The following FHIP1B variants were observed in gnomAD, a reference collection of about 807,000 sequenced individuals.
The protein encoded by FHIP1B is FHF complex subunit HOOK interacting protein 1B, also known as FHF complex subunit HOOK-interacting protein 1B.
A neutral mutation model predicts 82.2 loss-of-function variants in FHIP1B; 28 were observed. The ratio of observed to expected loss-of-function variants is 0.34; its 90% CI spans 0.25 to 0.47. FHIP1B has a LOEUF of 0.47. Among genes scored for constraint, FHIP1B ranks in the 20% least tolerant of loss-of-function variants. The pLI, the probability that FHIP1B is intolerant of heterozygous loss-of-function variation, is 1.00. For missense variants in FHIP1B, 1,110 were observed against 1,262.6 expected (o/e 0.88, Z 1.83); for synonymous variants, 585 against 516.1 (o/e 1.13, Z -1.81).
intron 10 of FHIP1B, 41 bp downstream of exon 10, chr11:6,214,692 C>T: frequency 6.5e-7 from 1 of 1,546,408 alleles, no homozygotes; most frequent in Non-Finnish European, 8.7e-7. Flanking sequence ...CCTGGCCCAC[C>T]ACGGAGCCTG....
rs1454121711 is a variant in FHIP1B, at chr11:6,211,736, AG to A, written c.2688del (p.Ser897ProfsTer93). 6.2e-7 allele frequency: 1 copy of A among 1,614,188 alleles called. No homozygotes were observed. Among genetic ancestry groups the A allele is most frequent in the Non-Finnish European group, 8.5e-7 (1 of 1,180,014 alleles). Reference protein sequence around the residue: ...RDGAGLGLSGGSPGASTPVLL... With the variant: ...RDGAGLGLSGXSPGASTPVLL... ...AGAACTGGAGTTGAAGCCCCAGGGG[AG>A]CCCCCACTTAGGCCAAGTCCTGCTC... is the stretch of plus-strand genomic sequence containing the variant. On this transcript the variant is annotated frameshift_variant, in exon 12 of 12. Transcript: ENST00000449352. LOFTEE classifies it high-confidence loss of function.
Position 6,223,932 on chromosome 11 carries a change from C to T in FHIP1B, c.455G>A (p.Arg152His). 6.2e-7 allele frequency: 1 copy of T among 1,614,224 alleles called. No individual in the cohort carries two copies. Among genetic ancestry groups the T allele is most frequent in the Non-Finnish European group, 8.5e-7 (1 of 1,180,038 alleles). The change falls in exon 3 of 12, where the codon CGT becomes CAT. Residue 152 changes from arginine to histidine, a missense_variant. Coordinates refer to ENST00000449352, the MANE Select transcript of FHIP1B (RefSeq NM_001098794.2). This position sits in a 1 kb window ranked among gnomAD's most constrained non-coding sequence, Gnocchi z 4.8. ...ATCCAGCAGGGTGAGCAGAGCCTCA[C>T]GAACTGGACCATGCCGCAACAGTGG... ...RQPLLRHGPVREALLTLLDAC... is the reference protein window; with the variant it reads ...RQPLLRHGPVHEALLTLLDAC...
At chr11:6,224,741 T>C (rs965697493) in intron 1 of FHIP1B, 34 bp from the exon 2 acceptor site, 17 of 541,420 alleles carry the variant, frequency 3.1e-5, no homozygotes, top group African/African-American at 2.3e-4. Flanking sequence ...AAGGGATAAA[T>C]AGAAGCTCAC....
rs557824063 is a variant in FHIP1B at position 6,223,330 on chromosome 11, G to A, written c.778-92C>T. 1.7e-5 allele frequency: 22 copies of A among 1,324,332 alleles called. No homozygotes were observed. Among genetic ancestry groups the A allele is most frequent in the Middle Eastern group, 5.2e-4 (2 of 3,818 alleles). The allele number at this position is 1,324,332 out of a possible 1,614,324, so 82.0% of individuals were successfully genotyped here. On this transcript the variant is annotated intron_variant, in intron 3 of 11. Transcript: ENST00000449352. The surrounding 1 kb of genome is among the most constrained non-coding windows in gnomAD (Gnocchi z 4.8). ...AGCTAGTAATCCAGAGTTTTGATGGGAATAGGGGTATAAGCTATTACCAAA... is the reference window on the plus strand; with the variant it reads ...AGCTAGTAATCCAGAGTTTTGATGGAAATAGGGGTATAAGCTATTACCAAA...
chr11:6,213,662 C>T (rs764703436), intron 11 of FHIP1B, among the ~76,000 whole-genome samples: 3 of 152,176 alleles, frequency 2.0e-5, no homozygotes, highest in South Asian at 2.1e-4. Context: ...AACTTCATAA[C>T]GATATTTAAT....
rs373805148 is a variant in FHIP1B, at chr11:6,217,768, C to T, written c.1818G>A (p.Val606=). The change falls in exon 9 of 12, where the codon GTG becomes GTA. Residue 606 remains valine, a synonymous_variant. Transcript: ENST00000449352. ...CCAGCTCTTCCTCCTCCCCTTCCCC[C>T]ACGTTGTTCCTGTCCTCCTCAGGCA... ...SLLPEEDRNN[V]GEGEEEELGR... 3.1e-6 allele frequency: 5 copies of T among 1,608,584 alleles called. No individual in the cohort carries two copies. Among genetic ancestry groups the T allele is most frequent in the South Asian group, 2.2e-5 (2 of 90,494 alleles).
rs1420273069 is a variant in FHIP1B, at chr11:6,217,586, C to T, written c.2000G>A (p.Gly667Asp). Reference sequence around the variant, plus strand: ...CCCAAAGCCCTCTAGTCCTGCCATGCCCTCGGAGATGCCCTCTAGCAGTTC... The same window carrying T: ...CCCAAAGCCCTCTAGTCCTGCCATGTCCTCGGAGATGCCCTCTAGCAGTTC... ...AGELLEGISE[G>D]MAGLEGFGQE... The change falls in exon 9 of 12, where the codon GGC (glycine) becomes GAC (aspartate). Residue 667 changes from glycine to aspartate, a missense_variant. Physicochemically the swap from Gly to Asp is moderately conservative, Grantham distance 94 (BLOSUM62 -1). Around this residue, in one of 6 missense-constraint regions of FHIP1B, gnomAD observed 418 missense variants for 371.4 expected, o/e 1.13. Coordinates refer to ENST00000449352, the MANE Select transcript of FHIP1B (RefSeq NM_001098794.2). 6.2e-7 allele frequency: 1 copy of T among 1,612,522 alleles called. No individual in the cohort carries two copies.
At chr11:6,231,435 A>G (rs1452724377) in intron 1 of FHIP1B, among the ~76,000 whole-genome samples, 3 of 151,882 alleles carry the variant, frequency 2.0e-5, no homozygotes, top group Admixed American at 6.6e-5. Context: ...GACACTAGAT[A>G]CAAAGGAGTA....
Position 6,224,131 on chromosome 11 carries a change from C to T in FHIP1B, c.256G>A (p.Val86Ile), listed in dbSNP as rs757957880. ...MLTLLAEDRA[V>I]PSAPTGPGPL... The stretch of plus-strand genomic sequence containing the variant: ...CCAGGGCCTGTGGGGGCCGAGGGAA[C>T]TGCACGGTCCTCTGCCAGCAGTGTC... The change falls in exon 3 of 12, where the codon GTT becomes ATT. Residue 86 changes from valine (V) to isoleucine (I), a missense_variant. Around this residue, in one of 6 missense-constraint regions of FHIP1B, gnomAD observed 467 missense variants for 602.9 expected, o/e 0.77. Coordinates refer to ENST00000449352, the MANE Select transcript of FHIP1B (RefSeq NM_001098794.2). 42 of 1,613,924 alleles carry T rather than the reference C, an allele frequency of 2.6e-5. No individual in the cohort carries two copies. Among genetic ancestry groups the T allele is most frequent in the Non-Finnish European group, 3.1e-5 (37 of 1,180,024 alleles).
rs556025144 is a variant in FHIP1B, at chr11:6,230,971, T to G, written c.-192+3573A>C. 1.1e-4 allele frequency among the ~76,000 whole-genome samples: 16 copies of G among 152,146 alleles called. 1 individual carries two copies. The highest frequency in any genetic ancestry group is 3.6e-4 in the African/African-American group (15 of 41,420). On this transcript the variant is annotated intron_variant, in intron 1 of 11. Coordinates refer to ENST00000449352, the MANE Select transcript of FHIP1B (RefSeq NM_001098794.2). ...GCTAAATGATGCCATATTAAGAAAT[T>G]TGGATGTTGTCCTACAGGACACAAA...
chr11:6,217,412 G>T lies in FHIP1B; in HGVS notation c.2174C>A (p.Pro725His). Residue 725 changes from proline to histidine, a missense_variant, in exon 9 of 12, where the codon CCT (proline) becomes CAT (histidine). This residue lies in a region of FHIP1B where 418 missense variants were observed against 371.4 expected (regional missense o/e 1.13). Coordinates refer to ENST00000449352, the MANE Select transcript of FHIP1B (RefSeq NM_001098794.2). ...TGGCAGCTGGTTGAGAGTCCGCAAA[G>T]GGCTGCTGAGGAAGGGGCCAGGGGG... Reference protein sequence around the residue: ...PEPPGPFLSSPLRTLNQLPSQ... With the variant: ...PEPPGPFLSSHLRTLNQLPSQ... 6.2e-7 allele frequency: 1 copy of T among 1,614,136 alleles called. No individual in the cohort carries two copies. The highest frequency in any genetic ancestry group is 8.5e-7 in the Non-Finnish European group (1 of 1,180,018).
At chr11:6,218,561 T>C (rs1441898531) in intron 8 of FHIP1B, 39 bp downstream of exon 8, 1 of 1,613,264 alleles carries the variant, frequency 6.2e-7, no homozygotes, top group Non-Finnish European at 8.5e-7. Context: ...GCCATACCCG[T>C]GATGTCCTCC....
At chr11:6,220,018 G>A (rs1847362069) in intron 6 of FHIP1B, among the ~76,000 whole-genome samples, 1 of 152,194 alleles carries the variant, frequency 6.6e-6, no homozygotes. Context: ...CTGAAAAGTA[G>A]TAAGTGGGTA....
rs139158841 is a variant in FHIP1B at position 6,227,896 on chromosome 11, T to C, written c.-191-3189A>G. On this transcript the variant is annotated intron_variant, in intron 1 of 11. Transcript: ENST00000449352. ...AAAGGAAGTTTCAAGAAACTGGAGG[T>C]TGCCCATAGTGTATAGTTCTATAGA... is the stretch of plus-strand genomic sequence containing the variant. Among the ~76,000 whole-genome samples, 514 of 151,832 alleles carry C rather than the reference T, an allele frequency of 3.4e-3. 1 individual carries two copies. The highest frequency in any genetic ancestry group is 0.012 in the African/African-American group (492 of 41,394).
At position 6,223,513 on chromosome 11, in the gene FHIP1B, G is replaced by C; in HGVS notation, c.777+97C>G. On this transcript the variant is annotated intron_variant, in intron 3 of 11. Coordinates refer to ENST00000449352, the MANE Select transcript of FHIP1B (RefSeq NM_001098794.2). This position sits in a 1 kb window ranked among gnomAD's most constrained non-coding sequence, Gnocchi z 4.8. ...TCCAGGAACTGTTTCCTAGGGGAAC[G>C]GGCCCTGGAACATAGCCTCTCCCCA... The C allele has an allele frequency of 1.4e-6, 2 of 1,427,932 alleles. No individual in the cohort carries two copies. Among genetic ancestry groups the C allele is most frequent in the Non-Finnish European group, 1.9e-6 (2 of 1,055,506 alleles). The allele number at this position is 1,427,932 out of a possible 1,614,324, so 88.5% of individuals were successfully genotyped here.
At position 6,211,829 on chromosome 11, in the gene FHIP1B, G is replaced by A. The variant is rs377739879; in HGVS notation, c.2596C>T (p.Arg866Trp). 5.0e-6 allele frequency: 8 copies of A among 1,595,938 alleles called. No individual in the cohort carries two copies. Among genetic ancestry groups the A allele is most frequent in the Non-Finnish European group, 6.8e-6 (8 of 1,172,864 alleles). Residue 866 changes from arginine to tryptophan, a missense_variant, in exon 12 of 12, where the codon CGG becomes TGG. Around this residue, in one of 6 missense-constraint regions of FHIP1B, gnomAD observed 147 missense variants for 154.0 expected, o/e 0.95. Transcript: ENST00000449352. Reference sequence around the variant, plus strand: ...GCCCTGGTTGGACTGTGTGCATGCCGCAGGAGTAACTCCCCCAAGGATGGC... The same window carrying A: ...GCCCTGGTTGGACTGTGTGCATGCCACAGGAGTAACTCCCCCAAGGATGGC... ...RRPSLGELLL[R>W]HAHSPTRARQ...
chr11:6,214,903 T>C lies in FHIP1B; in HGVS notation c.2224A>G (p.Met742Val), dbSNP rs1230231374. Residue 742 changes from methionine (M) to valine (V), a missense_variant, in exon 10 of 12, where the codon ATG becomes GTG. Physicochemically the swap from Met to Val is conservative, Grantham distance 21. Coordinates refer to ENST00000449352, the MANE Select transcript of FHIP1B (RefSeq NM_001098794.2). ...TCGAGTTTGGCAAAGAGCACAGCCA[T>C]GAAGGGGCCTGGGTTGGGGGGGAGG... ...LPSQPFTGPF[M>V]AVLFAKLENM... The C allele has an allele frequency of 1.9e-6, 3 of 1,579,142 alleles. No homozygotes were observed. Among genetic ancestry groups the C allele is most frequent in the Non-Finnish European group, 2.6e-6 (3 of 1,160,202 alleles).
Position 6,223,963 on chromosome 11 carries a change from G to A in FHIP1B, c.424C>T (p.Arg142Cys), listed in dbSNP as rs142571733. ...GGACCATGCCGCAACAGTGGCTGGCGAGCTTCGCTCACTAGCATTTCAAAT... is the reference window on the plus strand; with the variant it reads ...GGACCATGCCGCAACAGTGGCTGGCAAGCTTCGCTCACTAGCATTTCAAAT... ...KLFEMLVSEA[R>C]QPLLRHGPVR... Residue 142 changes from arginine (R) to cysteine (C), a missense_variant, in exon 3 of 12, where the codon CGC (arginine) becomes TGC (cysteine). Arg to Cys is a radical substitution (Grantham distance 180, BLOSUM62 -3). Transcript: ENST00000449352. The surrounding 1 kb of genome is among the most constrained non-coding windows in gnomAD (Gnocchi z 4.8). The A allele has an allele frequency of 6.2e-7, 1 of 1,614,152 alleles. No individual in the cohort carries two copies. The highest frequency in any genetic ancestry group is 1.3e-5 in the African/African-American group (1 of 75,068).
In FHIP1B at chr11:6,218,670, G is replaced by A. The variant is rs560672879; in HGVS notation, c.1365C>T (p.Ser455=). The change falls in exon 8 of 12, where the codon TCC becomes TCT. Residue 455 remains serine (S), a synonymous_variant. Transcript: ENST00000449352. ...LYGRAADKFL[S]LIPRCCRHHA... ...GGTGCCGACAACAGCGTGGGATTAG[G>A]GAGAGAAACTTGTCAGCTGCTCGTC... 1.9e-6 allele frequency: 3 copies of A among 1,614,144 alleles called. No homozygotes were observed. Among genetic ancestry groups the A allele is most frequent in the African/African-American group, 2.7e-5 (2 of 75,024 alleles).
Sources: gnomAD v4.1 joint callset for allele counts (sites outside exome capture counted in the v4.1 genomes callset) on GRCh38, gnomAD v4.1.1 for gene constraint, gnomAD v4.1.1 regional missense constraint, Gnocchi (gnomAD v3.1) non-coding constraint, MANE v1.5 for transcripts, NCBI Gene and HGNC (gene_info 2026-07-23, HGNC 2026-07-21) for gene names.